Variants in ZNF385B observed in about 807,000 individuals in gnomAD.
The protein encoded by ZNF385B is zinc finger protein 533.
Under a neutral mutation model 39.2 loss-of-function variants are expected in ZNF385B, and 23 were observed. The observed-to-expected ratio is 0.59, with a 90% confidence interval of 0.42 to 0.83. ZNF385B has a LOEUF of 0.83. Ranked by LOEUF, ZNF385B falls within the 40% of genes least tolerant of loss-of-function variation. ZNF385B has a pLI of 0.00. For synonymous variants in ZNF385B, 205 were observed against 222.6 expected, an observed-to-expected ratio of 0.92 and a Z score of 0.70; for missense variants, 552 against 598.9, an observed-to-expected ratio of 0.92 and a Z score of 0.82.
chr2:179,582,622 C>G (rs1360560319), intron 3 of ZNF385B, among the ~76,000 whole-genome samples: 1 of 152,158 alleles, frequency 6.6e-6, no homozygotes, highest in Non-Finnish European at 1.5e-5. Context: ...AGATTATACT[C>G]AAATGCATCC....
At chr2:179,683,363 C>T (rs548362977) in intron 3 of ZNF385B, among the ~76,000 whole-genome samples, 137 of 152,088 alleles carry the variant, frequency 9.0e-4, no homozygotes, top group African/African-American at 3.2e-3. Flanking sequence ...GCACTCCAGC[C>T]TGGGCAACAG....
At chr2:179,857,809 G>A (rs775645416) in intron 1 of ZNF385B, among the ~76,000 whole-genome samples, 7 of 152,098 alleles carry the variant, frequency 4.6e-5, no homozygotes, top group African/African-American at 9.7e-5. Context: ...ACCTAGTGCC[G>A]TGCTTGTCAT....
chr2:179,535,668 T>C (rs906044023), intron 4 of ZNF385B, among the ~76,000 whole-genome samples: 2 of 152,268 alleles, frequency 1.3e-5, no homozygotes, highest in Non-Finnish European at 2.9e-5. Context: ...ATCATTTATA[T>C]GATTTGTGTC....
intron 3 of ZNF385B, among the ~76,000 whole-genome samples, chr2:179,650,013 C>T (rs1449677356): frequency 6.6e-6 from 1 of 152,180 alleles, no homozygotes. Flanking sequence ...AAATGTCATG[C>T]CTGGAGACCC....
intron 5 of ZNF385B, among the ~76,000 whole-genome samples, chr2:179,495,217 G>A (rs1193560730): frequency 6.6e-6 from 1 of 152,196 alleles, no homozygotes; most frequent in Non-Finnish European, 1.5e-5. Context: ...AACATTGACA[G>A]AAATCTGGCA....
chr2:179,810,565 C>G (rs1414250345), intron 1 of ZNF385B, among the ~76,000 whole-genome samples: 5 of 151,824 alleles, frequency 3.3e-5, no homozygotes, highest in African/African-American at 4.8e-5. Flanking sequence ...GAGTGTGTTC[C>G]ATGTAAATAA....
intron 3 of ZNF385B, among the ~76,000 whole-genome samples, chr2:179,681,088 T>A (rs1416978011): frequency 1.3e-5 from 2 of 150,834 alleles, no homozygotes; most frequent in African/African-American, 4.9e-5. Flanking sequence ...CTGTTTTTTT[T>A]TTTTTTTGAA....
chr2:179,493,775 G>GTATACATATATGTA (rs1559338211), intron 5 of ZNF385B, among the ~76,000 whole-genome samples: 25 of 77,780 alleles, frequency 3.2e-4, no homozygotes, highest in Non-Finnish European at 4.9e-4. Flanking sequence ...ATACATATAT[G>GTATACATATATGTA]TATATACACA....
intron 5 of ZNF385B, among the ~76,000 whole-genome samples, chr2:179,493,852 A>G (rs2055856667): frequency 1.4e-5 from 2 of 139,352 alleles, no homozygotes; most frequent in Non-Finnish European, 1.6e-5. Flanking sequence ...TAAAAGGAGG[A>G]ATGTAACACT....
chr2:179,843,308 C>G (rs1398785009), intron 1 of ZNF385B, among the ~76,000 whole-genome samples: 2 of 152,192 alleles, frequency 1.3e-5, no homozygotes, highest in Non-Finnish European at 2.9e-5. Context: ...AAGTGTACAT[C>G]TAGAGTAAAA....
chr2:179,725,006 A>G (rs543634240), intron 3 of ZNF385B, among the ~76,000 whole-genome samples: 2 of 152,272 alleles, frequency 1.3e-5, no homozygotes, highest in East Asian at 1.9e-4. Context: ...ATTAGTATTT[A>G]ACTTGAGAAA....
chr2:179,617,703 G>A (rs927585501), intron 3 of ZNF385B, among the ~76,000 whole-genome samples: 4 of 152,074 alleles, frequency 2.6e-5, no homozygotes, highest in African/African-American at 4.8e-5. Flanking sequence ...ACATCAATTT[G>A]AGAACTATTC....
chr2:179,526,258 T>C (rs1049014638), intron 4 of ZNF385B, among the ~76,000 whole-genome samples: 2 of 151,928 alleles, frequency 1.3e-5, no homozygotes, highest in East Asian at 2.0e-4. Context: ...TATAGAACTT[T>C]GTACTATTTT....
chr2:179,582,085 A>G (rs1686595602), intron 3 of ZNF385B, among the ~76,000 whole-genome samples: 1 of 151,966 alleles, frequency 6.6e-6, no homozygotes, highest in African/African-American at 2.4e-5. Context: ...AGGCTTAGAG[A>G]GATTTTAAAA....
intron 5 of ZNF385B, among the ~76,000 whole-genome samples, chr2:179,517,069 T>C (rs2058141547): frequency 6.6e-6 from 1 of 151,962 alleles, no homozygotes; most frequent in Non-Finnish European, 1.5e-5. Context: ...TGTGAGTCTA[T>C]TTCTGGACTC....
chr2:179,810,474 T>C (rs1706664884), intron 1 of ZNF385B, among the ~76,000 whole-genome samples: 1 of 151,902 alleles, frequency 6.6e-6, no homozygotes, highest in Non-Finnish European at 1.5e-5. Flanking sequence ...CACAAATATA[T>C]ATACAAAAAA....
intron 5 of ZNF385B, among the ~76,000 whole-genome samples, chr2:179,492,474 T>G (rs927742558): frequency 1.3e-5 from 2 of 152,174 alleles, no homozygotes; most frequent in Non-Finnish European, 2.9e-5. Context: ...TGATTTCCAC[T>G]TTAAGGAAAT....
intron 1 of ZNF385B, among the ~76,000 whole-genome samples, chr2:179,794,873 T>A (rs527878690): frequency 6.6e-6 from 1 of 152,228 alleles, no homozygotes; most frequent in South Asian, 2.1e-4. Context: ...AGAGAGAGGT[T>A]ATGGGTGGAG....
chr2:179,851,899 G>A (rs946744800), intron 1 of ZNF385B, among the ~76,000 whole-genome samples: 2 of 152,176 alleles, frequency 1.3e-5, no homozygotes, highest in Non-Finnish European at 1.5e-5. Flanking sequence ...TTTTCCTAAA[G>A]ATCAGACTAC....
Sources: allele counts gnomAD v4.1 joint callset (sites outside exome capture counted in the v4.1 genomes callset), GRCh38; gene constraint gnomAD v4.1.1; transcripts MANE v1.5; gene names NCBI Gene and HGNC (gene_info 2026-07-23, HGNC 2026-07-21).